The following SGPL1 variants were observed in gnomAD, a reference collection of about 807,000 sequenced individuals.
The protein encoded by SGPL1 is SP-lyase 1.
A neutral mutation model predicts 68.9 loss-of-function variants in SGPL1; 37 were observed. That is an observed-to-expected ratio of 0.54 (90% CI 0.41 to 0.71). The LOEUF (loss-of-function observed/expected upper bound fraction) is 0.71. SGPL1 is among the 30% of genes least tolerant of loss of function. The pLI, the probability that SGPL1 is intolerant of heterozygous loss-of-function variation, is 0.00. For missense variants in SGPL1, 551 were observed against 704.6 expected, an observed-to-expected ratio of 0.78 and a Z score of 2.47; for synonymous variants, 236 against 248.5, an observed-to-expected ratio of 0.95 and a Z score of 0.47.
rs761684028 is a variant in SGPL1, at chr10:70,873,495, G to A, written c.1204G>A (p.Ala402Thr). ...AGGCTCACGGCCTGGTGGCATTAGC[G>A]CAGCCTGTTGGGCTGCCTTGATGCA... ...IAGSRPGGIS[A>T]ACWAALMHFG... is the part of the protein sequence containing the mutation. The change falls in exon 12 of 15, where the codon GCA becomes ACA. Residue 402 changes from alanine to threonine, a missense_variant. Physicochemically the swap from Ala to Thr is moderately conservative, Grantham distance 58. Coordinates refer to ENST00000373202, the MANE Select transcript of SGPL1 (RefSeq NM_003901.4). 3.8e-5 allele frequency: 62 copies of A among 1,614,132 alleles called. No individual in the cohort carries two copies. The highest frequency in any genetic ancestry group is 8.3e-5 in the Admixed American group (5 of 60,014).
intron 12 of SGPL1, among the ~76,000 whole-genome samples, chr10:70,874,310 G>A (rs181909577): frequency 7.9e-4 from 121 of 152,306 alleles, no homozygotes; most frequent in African/African-American, 2.6e-3. Flanking sequence ...GGCCAGGCAC[G>A]GTGGCTCCGG....
chr10:70,858,542 T>C (rs1449159745), intron 6 of SGPL1, among the ~76,000 whole-genome samples: 2 of 152,212 alleles, frequency 1.3e-5, no homozygotes, highest in East Asian at 3.8e-4. Flanking sequence ...AACTGTCCCT[T>C]ACTAAATAAA....
intron 2 of SGPL1, among the ~76,000 whole-genome samples, chr10:70,829,684 GC>G (rs1845499125): frequency 6.6e-6 from 1 of 152,068 alleles, no homozygotes; most frequent in East Asian, 1.9e-4. Context: ...ACATCACACA[GC>G]TTCTAAGTGA....
At chr10:70,829,829 A>G (rs1454935456) in intron 2 of SGPL1, among the ~76,000 whole-genome samples, 1 of 152,220 alleles carries the variant, frequency 6.6e-6, no homozygotes, top group African/African-American at 2.4e-5. Flanking sequence ...GTTCAGGGGA[A>G]TACTCAAAGG....
intron 3 of SGPL1, among the ~76,000 whole-genome samples, chr10:70,847,086 T>C (rs1466764031): frequency 6.6e-6 from 1 of 152,162 alleles, no homozygotes; most frequent in East Asian, 1.9e-4. Context: ...AGTATACTGA[T>C]GAGATATGCC....
At chr10:70,863,761 T>G (rs974800407) in intron 7 of SGPL1, among the ~76,000 whole-genome samples, 1 of 152,244 alleles carries the variant, frequency 6.6e-6, no homozygotes, top group African/African-American at 2.4e-5. Flanking sequence ...TTTCTTTACT[T>G]GAACATCAGG....
intron 2 of SGPL1, among the ~76,000 whole-genome samples, chr10:70,843,483 C>T (rs1845747439): frequency 6.6e-6 from 1 of 152,218 alleles, no homozygotes; most frequent in Non-Finnish European, 1.5e-5. Flanking sequence ...TAGAACTGGT[C>T]TGTCTTCAAG....
chr10:70,865,324 C>CT (rs60825486), intron 7 of SGPL1, among the ~76,000 whole-genome samples: 21 of 148,902 alleles, frequency 1.4e-4, no homozygotes, highest in Non-Finnish European at 1.8e-4. Context: ...TGCACTCACC[C>CT]TTTTTTTTTT....
chr10:70,859,581 T>A (rs1054556852), intron 7 of SGPL1, 82 bp downstream of exon 7: 9 of 649,156 alleles, frequency 1.4e-5, no homozygotes, highest in East Asian at 8.5e-5. Flanking sequence ...AATTATATTT[T>A]AAAAAATAAA....
Position 70,877,355 on chromosome 10 carries a change from T to C in SGPL1, c.*20T>C, listed in dbSNP as rs1846412000. 1 of 1,613,380 alleles carries C rather than the reference T, an allele frequency of 6.2e-7. No individual in the cohort carries two copies. The highest frequency in any genetic ancestry group is 8.5e-7 in the Non-Finnish European group (1 of 1,179,372). On this transcript the variant is annotated 3_prime_UTR_variant, in exon 15 of 15. Transcript: ENST00000373202. ...CACTGAACTTGGACCCTTTCTAGTC[T>C]CAAGGGGATTCCAGCCTTCAGAAGG...
intron 8 of SGPL1, 81 bp from the exon 9 acceptor site, chr10:70,869,711 C>T (rs1460207044): frequency 3.9e-5 from 40 of 1,016,234 alleles, no homozygotes; most frequent in East Asian, 1.8e-4. Context: ...AACTTACTCC[C>T]GGTAATTTAG....
chr10:70,868,433 T>C lies in SGPL1; in HGVS notation c.704T>C (p.Ile235Thr), dbSNP rs760762850. 1.9e-6 allele frequency: 3 copies of C among 1,611,048 alleles called. No homozygotes were observed. The highest frequency in any genetic ancestry group is 2.5e-6 in the Non-Finnish European group (3 of 1,177,478). ...AFEKGIKTPE[I>T]VAPQSAHAAF... The stretch of plus-strand genomic sequence containing the variant: ...GAGAAGGGGATCAAAACTCCAGAAA[T>C]GTATGTATGTGTGGCTGTTTTGTCC... The change falls in exon 8 of 15, where the codon ATT becomes ACT. Residue 235 changes from isoleucine to threonine, a missense_variant and splice_region_variant. Ile to Thr is a moderately conservative substitution (Grantham distance 89, BLOSUM62 -1). Coordinates refer to ENST00000373202, the MANE Select transcript of SGPL1 (RefSeq NM_003901.4).
intron 5 of SGPL1, among the ~76,000 whole-genome samples, chr10:70,855,848 C>T (rs1174546094): frequency 6.6e-6 from 1 of 152,144 alleles, no homozygotes; most frequent in Non-Finnish European, 1.5e-5. Context: ...AAAAAATTAA[C>T]ATTGGTACAG....
At chr10:70,846,573 A>C (rs1397980352) in intron 3 of SGPL1, among the ~76,000 whole-genome samples, 2 of 152,176 alleles carry the variant, frequency 1.3e-5, no homozygotes, top group African/African-American at 2.4e-5. Flanking sequence ...ATTTTAATAA[A>C]CATCAAATAA....
intron 2 of SGPL1, among the ~76,000 whole-genome samples, chr10:70,836,684 T>C (rs753042914): frequency 6.6e-6 from 1 of 152,174 alleles, no homozygotes; most frequent in African/African-American, 2.4e-5. Context: ...CAAGTGATCC[T>C]CCTACCTTAG....
chr10:70,846,598 T>A (rs1209624353), intron 3 of SGPL1, among the ~76,000 whole-genome samples: 1 of 152,154 alleles, frequency 6.6e-6, no homozygotes, highest in Non-Finnish European at 1.5e-5. Context: ...TGCCCATTAC[T>A]CTCTCCCGCA....
chr10:70,875,505 A>C lies in SGPL1; in HGVS notation c.1402A>C (p.Thr468Pro). Residue 468 changes from threonine (T) to proline (P), a missense_variant, in exon 13 of 15, where the codon ACT becomes CCT. Physicochemically the swap from Thr to Pro is conservative, Grantham distance 38. Transcript: ENST00000373202. ...FDIYRLSNLM[T>P]AKGWNLNQLQ... ...CATCTACCGACTATCAAACCTGATG[A>C]CTGCTAAGGGGTGGAACTTGAACCA... 2 of 1,613,432 alleles carry C rather than the reference A, an allele frequency of 1.2e-6. No individual in the cohort carries two copies. The highest frequency in any genetic ancestry group is 1.7e-6 in the Non-Finnish European group (2 of 1,179,484).
At chr10:70,868,268 A>C in intron 7 of SGPL1, 77 bp from the exon 8 acceptor site, 2 of 995,550 alleles carry the variant, frequency 2.0e-6, no homozygotes, top group Admixed American at 2.2e-5. Context: ...TCTGTATCAA[A>C]CATTGTCAAG....
chr10:70,844,611 G>T lies in SGPL1; in HGVS notation c.166G>T (p.Gly56Ter), dbSNP rs779596408. ...SVVWTLLIVW[G>*]YEFVFQPESL... ...CGTGTGGACCCTGCTGATAGTCTGG[G>T]GATATGAGTTTGTCTTCCAGCCAGA... The change falls in exon 3 of 15, where the codon GGA becomes TGA. Residue 56 changes from glycine to a stop codon, truncating the protein, a stop_gained. Coordinates refer to ENST00000373202, the MANE Select transcript of SGPL1 (RefSeq NM_003901.4). LOFTEE classifies it high-confidence loss of function. The T allele has an allele frequency of 2.4e-5, 39 of 1,614,058 alleles. No individual in the cohort carries two copies. The highest frequency in any genetic ancestry group is 3.2e-5 in the Non-Finnish European group (38 of 1,180,012).
Sources: gnomAD v4.1 joint callset for allele counts (sites outside exome capture counted in the v4.1 genomes callset) on GRCh38, gnomAD v4.1.1 for gene constraint, MANE v1.5 for transcripts, NCBI Gene and HGNC (gene_info 2026-07-23, HGNC 2026-07-21) for gene names.